LRRC7: variants seen among roughly 807,000 people sequenced by gnomAD.
LRRC7 encodes the protein leucine rich repeat containing 7, also known as leucine-rich repeat-containing protein 7.
A neutral mutation model predicts 175.7 loss-of-function variants in LRRC7; 23 were observed. The observed-to-expected ratio is 0.13, with a 90% CI of 0.09 to 0.19. LRRC7 has a LOEUF of 0.19. Ranked by LOEUF, LRRC7 falls within the 10% of genes least tolerant of loss-of-function variation. The pLI is 1.00. For synonymous variants in LRRC7, 685 were observed against 680.9 expected (o/e 1.01, Z -0.09); for missense variants, 1,354 against 1,904.7 (o/e 0.71, Z 5.38).
chr1:69,730,010 A>G (rs1239226896), intron 2 of LRRC7, among the ~76,000 whole-genome samples: 2 of 152,176 alleles, frequency 1.3e-5, no homozygotes, highest in African/African-American at 4.8e-5. Flanking sequence ...CAAGGCTTGG[A>G]GGTTGCACTC....
At position 69,844,923 on chromosome 1, in the gene LRRC7, T is replaced by C. The variant is rs187455422; in HGVS notation, c.647+6640T>C. On this transcript the variant is annotated intron_variant, in intron 7 of 26. Transcript: ENST00000651989. ...AGATAAAATTATTAACTGTATGAAA[T>C]ATTTGTCAATATATAGGTTAAGAGA... 1.1e-4 allele frequency among the ~76,000 whole-genome samples: 17 copies of C among 152,242 alleles called. No individual in the cohort carries two copies. The East Asian group carries it at 3.1e-3, about 28-fold the overall frequency.
At chr1:70,009,371 T>C (rs1424236118) in intron 11 of LRRC7, among the ~76,000 whole-genome samples, 1 of 142,928 alleles carries the variant, frequency 7.0e-6, no homozygotes, top group Non-Finnish European at 1.5e-5. Flanking sequence ...TTTTTTTTTT[T>C]GAGAAACAAA....
At chr1:69,696,686 G>A (rs1662633474) in intron 2 of LRRC7, among the ~76,000 whole-genome samples, 1 of 152,160 alleles carries the variant, frequency 6.6e-6, no homozygotes, top group Non-Finnish European at 1.5e-5. Context: ...TTCCTCATGA[G>A]GCTTGGTGCT....
chr1:69,634,540 C>A (rs1015687773), intron 1 of LRRC7, among the ~76,000 whole-genome samples: 1 of 152,032 alleles, frequency 6.6e-6, no homozygotes, highest in African/African-American at 2.4e-5. Flanking sequence ...CTGTTCATAC[C>A]TGATTTATGG....
intron 7 of LRRC7, among the ~76,000 whole-genome samples, chr1:69,860,738 G>T (rs1456627088): frequency 6.6e-6 from 1 of 151,802 alleles, no homozygotes; most frequent in Non-Finnish European, 1.5e-5. Context: ...TACAAGAAAG[G>T]CATATGCTTC....
intron 23 of LRRC7, among the ~76,000 whole-genome samples, chr1:70,058,419 T>C (rs529766742): frequency 6.6e-6 from 1 of 152,342 alleles, no homozygotes; most frequent in South Asian, 2.1e-4. Flanking sequence ...GGCAGTATTA[T>C]ATGAATACTT....
chr1:69,607,471 A>G (rs1229452046), intron 1 of LRRC7: 2 of 151,964 alleles, frequency 1.3e-5, no homozygotes, highest in Non-Finnish European at 2.9e-5. Flanking sequence ...TCTTCCCTTT[A>G]TACCTTGATA....
chr1:69,773,059 T>C (rs1238722749), intron 3 of LRRC7, among the ~76,000 whole-genome samples: 19 of 152,156 alleles, frequency 1.2e-4, no homozygotes, highest in Admixed American at 1.2e-3. Context: ...TAAAATGTTT[T>C]GTTGTTAGGG....
chr1:69,868,208 A>T (rs926172613), intron 7 of LRRC7, among the ~76,000 whole-genome samples: 2 of 152,180 alleles, frequency 1.3e-5, no homozygotes, highest in Non-Finnish European at 2.9e-5. Context: ...AATCAAATTT[A>T]AAAATGCAAA....
In LRRC7 at chr1:70,136,173, G is replaced by A. The variant is rs1422281624; in HGVS notation, c.*14286G>A. On this transcript the variant is annotated 3_prime_UTR_variant, in exon 27 of 27. Coordinates refer to ENST00000651989, the MANE Select transcript of LRRC7 (RefSeq NM_001370785.2). Reference sequence around the variant, plus strand: ...CCAAAAAATGATAGTTACTATCCCTGTCACCTAGGGCCCTAGGTCATCATA... The same window carrying A: ...CCAAAAAATGATAGTTACTATCCCTATCACCTAGGGCCCTAGGTCATCATA... Among the ~76,000 whole-genome samples the A allele has an allele frequency of 6.8e-6, 1 of 146,468 alleles. No individual in the cohort carries two copies. Among genetic ancestry groups the A allele is most frequent in the Non-Finnish European group, 1.5e-5 (1 of 66,870 alleles).
At chr1:70,012,002 A>G in intron 12 of LRRC7, 76 bp downstream of exon 12, 2 of 1,006,764 alleles carry the variant, frequency 2.0e-6, no homozygotes, top group Non-Finnish European at 3.0e-6. Context: ...CAGGTAGAAT[A>G]GCAATGTAGA....
At chr1:69,919,464 G>C in intron 7 of LRRC7, 3 of 994,812 alleles carry the variant, frequency 3.0e-6, no homozygotes, top group Non-Finnish European at 3.1e-6. Context: ...AGTGGGAGCG[G>C]CCCAGCGGGA....
intron 11 of LRRC7, among the ~76,000 whole-genome samples, chr1:70,009,358 T>TC (rs1034052520): frequency 1.2e-4 from 18 of 147,326 alleles, no homozygotes; most frequent in African/African-American, 4.0e-4. Context: ...TTTCTTTCTT[T>TC]TTTTTTTTTT....
chr1:69,762,682 T>C (rs572925628), intron 3 of LRRC7, among the ~76,000 whole-genome samples: 23 of 152,110 alleles, frequency 1.5e-4, no homozygotes, highest in African/African-American at 4.8e-4. Flanking sequence ...ATAATTCCAT[T>C]GAAAAGTCTT....
intron 2 of LRRC7, among the ~76,000 whole-genome samples, chr1:69,750,889 T>C (rs1669787329): frequency 6.6e-6 from 1 of 152,214 alleles, no homozygotes; most frequent in Non-Finnish European, 1.5e-5. Flanking sequence ...GATTAAGTTT[T>C]AACATGAATT....
chr1:69,976,920 A>T (rs1652875490), intron 8 of LRRC7, among the ~76,000 whole-genome samples: 1 of 140,414 alleles, frequency 7.1e-6, no homozygotes, highest in African/African-American at 2.5e-5. Flanking sequence ...CTCCAGCTAA[A>T]ACCTATTCTC....
intron 8 of LRRC7, among the ~76,000 whole-genome samples, chr1:69,952,275 T>C (rs1250317295): frequency 1.3e-5 from 2 of 152,100 alleles, no homozygotes; most frequent in African/African-American, 4.8e-5. Flanking sequence ...CTAGAACTTA[T>C]AGAATATTGT....
Position 69,568,581 on chromosome 1 carries a change from C to T in LRRC7, c.-59C>T. 8 of 1,343,454 alleles carry T rather than the reference C, an allele frequency of 6.0e-6. No homozygotes were observed. In the South Asian group the frequency reaches 9.5e-5, roughly 16 times the overall value. 83.2% of individuals were successfully genotyped at this position (1,343,454 alleles called of 1,614,324 possible). A position where few individuals can be genotyped will look rare whatever the true frequency, so the allele number is the denominator to read the frequency against. ...GACCCCTGAACACTTAAGGAATAAC[C>T]CTTGGCAGCTGCACGACTACGCTCT... On this transcript the variant is annotated 5_prime_UTR_variant, in exon 1 of 27. Coordinates refer to ENST00000651989, the MANE Select transcript of LRRC7 (RefSeq NM_001370785.2).
chr1:70,136,414 CT>C lies in LRRC7; in HGVS notation c.*14533del, dbSNP rs1185030405. Among the ~76,000 whole-genome samples the C allele has an allele frequency of 1.3e-5, 2 of 152,036 alleles. No individual in the cohort carries two copies. The highest frequency in any genetic ancestry group is 4.8e-5 in the African/African-American group (2 of 41,392). ...CCTCTAGCCAATCTATATGTTTATC[CT>C]TTTTTAAAAAATTATTTAACTGTTA... On this transcript the variant is annotated 3_prime_UTR_variant, in exon 27 of 27. Coordinates refer to ENST00000651989, the MANE Select transcript of LRRC7 (RefSeq NM_001370785.2).
Sources: gnomAD v4.1 joint callset for allele counts (sites outside exome capture counted in the v4.1 genomes callset) on GRCh38, gnomAD v4.1.1 for gene constraint, MANE v1.5 for transcripts, NCBI Gene and HGNC (gene_info 2026-07-23, HGNC 2026-07-21) for gene names.